PIR: variants seen among roughly 807,000 people sequenced by gnomAD.
The protein encoded by PIR is pirin.
In PIR, 22 loss-of-function variants were observed where a neutral mutation model predicts 24.2. That is an observed-to-expected ratio of 0.91 (90% CI 0.65 to 1.30). PIR has a LOEUF of 1.30. Ranked by LOEUF, PIR falls within the 50% of genes most tolerant of loss-of-function variation. The pLI, the probability that PIR is intolerant of heterozygous loss-of-function variation, is 0.00. For synonymous variants in PIR, 80 were observed against 79.6 expected, an observed-to-expected ratio of 1.00 and a Z score of -0.03; for missense variants, 220 against 220.3, an observed-to-expected ratio of 1.00 and a Z score of 0.01.
At chrX:15,397,186 G>A (rs1413320843) in intron 8 of PIR, among the ~76,000 whole-genome samples, 1 of 112,433 alleles carries the variant, frequency 8.9e-6, no homozygotes, top group Non-Finnish European at 1.9e-5. Flanking sequence ...CAACAAAGAT[G>A]TGTTGCTTCC....
At chrX:15,446,183 CTAAG>C (rs1926097577) in intron 5 of PIR, among the ~76,000 whole-genome samples, 1 of 111,910 alleles carries the variant, frequency 8.9e-6, no homozygotes, top group African/African-American at 3.2e-5. Flanking sequence ...TTTAAAAAAA[CTAAG>C]AGAGAGAAAC....
rs183439259 is a variant in PIR, at chrX:15,403,943, C to G, written c.610+3563G>C. Among the ~76,000 whole-genome samples the G allele has an allele frequency of 8.8e-4, 97 of 110,390 alleles. 1 individual carries two copies. Among genetic ancestry groups the G allele is most frequent in the African/African-American group, 2.9e-3 (88 of 30,413 alleles). ...ATAGCCTCACAATACTTACCTTTAC[C>G]TTTAAAATGACTGACTTACTTTGAC... On this transcript the variant is annotated intron_variant, in intron 7 of 9. Transcript: ENST00000380420.
intron 5 of PIR, among the ~76,000 whole-genome samples, chrX:15,451,373 G>A (rs1920964323): frequency 9.2e-6 from 1 of 108,457 alleles, no homozygotes; most frequent in African/African-American, 3.4e-5. Flanking sequence ...GAACAATTTG[G>A]GTCCTGCAAA....
intron 6 of PIR, among the ~76,000 whole-genome samples, chrX:15,419,740 A>G (rs1376691615): frequency 2.8e-5 from 3 of 108,748 alleles, no homozygotes; most frequent in African/African-American, 1.0e-4. Context: ...AACTAAAAAT[A>G]CAAAAATTAG....
At chrX:15,489,933 G>C (rs935785941) in intron 2 of PIR, among the ~76,000 whole-genome samples, 9 of 112,047 alleles carry the variant, frequency 8.0e-5, no homozygotes, top group African/African-American at 2.3e-4. Flanking sequence ...GGAGGATATG[G>C]AAGGAGAGAT....
intron 5 of PIR, among the ~76,000 whole-genome samples, chrX:15,432,678 T>C (rs1344717228): frequency 8.9e-6 from 1 of 111,880 alleles, no homozygotes; most frequent in Non-Finnish European, 1.9e-5. Flanking sequence ...TAGGATTTCT[T>C]TAAAATACAA....
At chrX:15,389,168 T>C (rs769486359) in intron 9 of PIR, among the ~76,000 whole-genome samples, 1 of 112,177 alleles carries the variant, frequency 8.9e-6, no homozygotes, top group Non-Finnish European at 1.9e-5. Flanking sequence ...GGAATAAAGA[T>C]TATGACCCTA....
rs777667466 is a variant in PIR, at chrX:15,479,114, C to CAGT, written c.189+612_189+614dup. Among the ~76,000 whole-genome samples, 3 of 112,028 alleles carry CAGT rather than the reference C, an allele frequency of 2.7e-5. No homozygotes were observed. In the Admixed American group the frequency reaches 2.8e-4, roughly 11 times the overall value. ...TAACTAAAGCTGAATATTAAGTGTT[C>CAGT]AGTAGAATCTCTAAATTTTGCAATT... On this transcript the variant is annotated intron_variant, in intron 3 of 9. Transcript: ENST00000380420.
chrX:15,398,274 G>T (rs1200232233), intron 7 of PIR, among the ~76,000 whole-genome samples: 1 of 111,796 alleles, frequency 8.9e-6, no homozygotes, highest in Non-Finnish European at 1.9e-5. Flanking sequence ...AATGTTGTGG[G>T]AATATTCAGG....
intron 2 of PIR, among the ~76,000 whole-genome samples, chrX:15,488,053 C>T (rs1318957676): frequency 2.7e-5 from 3 of 109,809 alleles, no homozygotes; most frequent in African/African-American, 1.0e-4. Flanking sequence ...CCGAGGTGGG[C>T]GGATCACCTG....
chrX:15,472,929 T>A (rs187840920), intron 3 of PIR, among the ~76,000 whole-genome samples: 4 of 112,454 alleles, frequency 3.6e-5, no homozygotes, highest in African/African-American at 1.3e-4. Context: ...TTCATTATAA[T>A]AATCCATCTT....
rs147505883 is a variant in PIR at position 15,488,462 on chromosome X, C to T, written c.96+2700G>A. ...GCAACAATCTAAATGGTCAAAAATT[C>T]ACGAGTAAGAGAATAATGCAATGCT... On this transcript the variant is annotated intron_variant, in intron 2 of 9. Transcript: ENST00000380420. Among the ~76,000 whole-genome samples, 657 of 110,106 alleles carry T rather than the reference C, an allele frequency of 6.0e-3. 4 individuals carry two copies. Among genetic ancestry groups the T allele is most frequent in the African/African-American group, 0.02 (607 of 30,276 alleles).
chrX:15,435,258 GAGAA>G (rs3058994), intron 5 of PIR, among the ~76,000 whole-genome samples: 26,239 of 109,442 alleles, frequency 0.24, 2,654 homozygotes, highest in East Asian at 0.5. Context: ...AGAAAGAAAA[GAGAA>G]AGAAAGAAAG....
At chrX:15,490,571 A>G (rs1923097483) in intron 2 of PIR, among the ~76,000 whole-genome samples, 2 of 112,086 alleles carry the variant, frequency 1.8e-5, no homozygotes, top group African/African-American at 6.5e-5. Flanking sequence ...ATTCAAATGA[A>G]AACATTCTCT....
At chrX:15,492,575 A>G (rs1923220618) in intron 1 of PIR, among the ~76,000 whole-genome samples, 1 of 111,982 alleles carries the variant, frequency 8.9e-6, no homozygotes, top group South Asian at 3.7e-4. Context: ...TTTGGCAAAA[A>G]GCAGACTCTG....
chrX:15,434,825 C>T lies in PIR; in HGVS notation c.481-8835G>A, dbSNP rs185571927. On this transcript the variant is annotated intron_variant, in intron 5 of 9. Coordinates refer to ENST00000380420, the MANE Select transcript of PIR (RefSeq NM_001018109.3). ...GTCTAATCTATTCATCTTTTCCTTC[C>T]AATGCTTTTAAACCTGGAAAGTCTT... is the stretch of plus-strand genomic sequence containing the variant. Among the ~76,000 whole-genome samples the T allele has an allele frequency of 2.8e-3, 312 of 110,337 alleles. 2 individuals carry two copies. The highest frequency in any genetic ancestry group is 0.01 in the African/African-American group (308 of 30,285).
intron 3 of PIR, among the ~76,000 whole-genome samples, chrX:15,471,085 C>CT (rs1347199308): frequency 8.9e-6 from 1 of 112,111 alleles, no homozygotes; most frequent in East Asian, 2.8e-4. Context: ...AATTTCTACT[C>CT]TCCCTCATGT....
intron 3 of PIR, among the ~76,000 whole-genome samples, chrX:15,475,961 A>T (rs938266657): frequency 6.2e-5 from 7 of 112,484 alleles, no homozygotes; most frequent in Admixed American, 5.7e-4. Context: ...CTAAGAGTTA[A>T]GTTTAAAAAT....
At chrX:15,422,858 C>T (rs1307436475) in intron 6 of PIR, among the ~76,000 whole-genome samples, 1 of 111,646 alleles carries the variant, frequency 9.0e-6, no homozygotes, top group Non-Finnish European at 1.9e-5. Context: ...CCCCAAATAG[C>T]CAAAGCAATC....
Sources: gnomAD v4.1 joint callset for allele counts (sites outside exome capture counted in the v4.1 genomes callset) on GRCh38, gnomAD v4.1.1 for gene constraint, MANE v1.5 for transcripts, NCBI Gene and HGNC (gene_info 2026-07-23, HGNC 2026-07-21) for gene names.